RNF216: variants seen among roughly 807,000 people sequenced by gnomAD.
RNF216 encodes E3 ubiquitin-protein ligase RNF216.
Under a neutral mutation model 110.8 loss-of-function variants are expected in RNF216, and 72 were observed. That is an observed-to-expected ratio of 0.65 (90% confidence interval 0.54 to 0.79). The LOEUF is 0.79. Among genes scored for constraint, RNF216 ranks in the 30% least tolerant of loss-of-function variants. RNF216 has a pLI of 0.00. For missense variants in RNF216, 1,342 were observed against 1,141.2 expected, an observed-to-expected ratio of 1.18 and a Z score of -2.54; for synonymous variants, 495 against 407.5, an observed-to-expected ratio of 1.21 and a Z score of -2.59.
chr7:5,669,076 G>A (rs1416665482), intron 13 of RNF216, among the ~76,000 whole-genome samples: 1 of 152,174 alleles, frequency 6.6e-6, no homozygotes, highest in African/African-American at 2.4e-5. Flanking sequence ...CAGGCAGGTG[G>A]CTACAGATGG....
At chr7:5,725,587 A>C (rs1316055126) in intron 7 of RNF216, 149 bp from the exon 8 acceptor site, 5 of 616,780 alleles carry the variant, frequency 8.1e-6, no homozygotes, top group Non-Finnish European at 1.2e-5. Context: ...GCGGTGGCTG[A>C]CGCCTGTAAT....
At chr7:5,712,684 G>C (rs768331192) in intron 12 of RNF216, 31 bp downstream of exon 12, 50 of 1,612,266 alleles carry the variant, frequency 3.1e-5, no homozygotes, top group Non-Finnish European at 4.2e-5. Context: ...GGGAAGAGTT[G>C]GCAGATGGCA....
chr7:5,692,588 G>A (rs1001555735), intron 13 of RNF216, among the ~76,000 whole-genome samples: 1 of 152,180 alleles, frequency 6.6e-6, no homozygotes, highest in Non-Finnish European at 1.5e-5. Context: ...GAAGGCGAGC[G>A]AGGAGAAAGG....
At chr7:5,703,201 C>A (rs1482481205) in intron 13 of RNF216, among the ~76,000 whole-genome samples, 1 of 152,186 alleles carries the variant, frequency 6.6e-6, no homozygotes, top group African/African-American at 2.4e-5. Context: ...GCTTAAAAAT[C>A]TTTTTGTTAC....
At chr7:5,726,659 A>G (rs1488515704) in intron 7 of RNF216, among the ~76,000 whole-genome samples, 1 of 152,028 alleles carries the variant, frequency 6.6e-6, no homozygotes, top group Admixed American at 6.5e-5. Context: ...GGTGTTCAAG[A>G]CCAGCCTGGA....
chr7:5,659,019 A>G (rs985965507), intron 13 of RNF216, among the ~76,000 whole-genome samples: 1 of 152,300 alleles, frequency 6.6e-6, no homozygotes, highest in Admixed American at 6.5e-5. Context: ...GGAAGAGTCT[A>G]TGAAAGAGAT....
At position 5,622,255 on chromosome 7, in the gene RNF216, G is replaced by A. The variant is rs1431034747; in HGVS notation, c.*605C>T. On this transcript the variant is annotated 3_prime_UTR_variant, in exon 17 of 17. Coordinates refer to ENST00000389902, the MANE Select transcript of RNF216 (RefSeq NM_207111.4). ...CAACAGAACAAAACCCCCGCCGCGA[G>A]ATGGGTCTGCTGCTGCCTCATCTGA... 6.6e-6 allele frequency: 1 copy of A among 152,512 alleles called. No homozygotes were observed. The highest frequency in any genetic ancestry group is 1.5e-5 in the Non-Finnish European group (1 of 68,236). The allele number at this position is 152,512 out of a possible 1,614,324, so 9.4% of individuals were successfully genotyped here. A position where few individuals can be genotyped will look rare whatever the true frequency, so the allele number is the denominator to read the frequency against.
intron 6 of RNF216, among the ~76,000 whole-genome samples, chr7:5,730,486 A>T (rs1794023455): frequency 6.6e-6 from 1 of 152,264 alleles, no homozygotes; most frequent in African/African-American, 2.4e-5. Context: ...AAAGGAAGAT[A>T]AGAATTACAA....
chr7:5,774,302 T>G (rs6967635), intron 1 of RNF216, among the ~76,000 whole-genome samples: 59,936 of 152,012 alleles, frequency 0.39, 12,613 homozygotes, highest in Admixed American at 0.49. Context: ...GTAGGTAGAG[T>G]GGCATGTGCC....
Position 5,668,294 on chromosome 7 carries a change from G to C in RNF216, c.2062-15784C>G, listed in dbSNP as rs539208380. 1.0e-3 allele frequency among the ~76,000 whole-genome samples: 156 copies of C among 151,112 alleles called. 1 individual carries two copies. Among genetic ancestry groups the C allele is most frequent in the African/African-American group, 3.5e-3 (142 of 40,892 alleles). On this transcript the variant is annotated intron_variant, in intron 13 of 16. Transcript: ENST00000389902. ...GCTGGAGTGCAGTGGCGCAATCTTG[G>C]CTCACTGCAAGCTCCGCCTCCCAGG...
chr7:5,752,774 C>A, intron 3 of RNF216, 72 bp downstream of exon 3: 1 of 1,530,518 alleles, frequency 6.5e-7, no homozygotes, highest in Non-Finnish European at 8.9e-7. Flanking sequence ...ACAACAAGGC[C>A]CACAAGAGTG....
At chr7:5,725,641 G>A (rs566703393) in intron 7 of RNF216, among the ~76,000 whole-genome samples, 1 of 152,242 alleles carries the variant, frequency 6.6e-6, no homozygotes, top group South Asian at 2.1e-4. Flanking sequence ...CTTGAGGTCA[G>A]GAGTTCGACA....
chr7:5,699,094 G>A lies in RNF216; in HGVS notation c.2061+12667C>T, dbSNP rs191388580. 5.0e-4 allele frequency among the ~76,000 whole-genome samples: 76 copies of A among 152,142 alleles called. 1 individual carries two copies. In the East Asian group the frequency reaches 0.014, roughly 29 times the overall value. Reference sequence around the variant, plus strand: ...ATTTTAAACATATACAAAAGCAGAGGATGTAATGAACCCTATGCACCCATT... The same window carrying A: ...ATTTTAAACATATACAAAAGCAGAGAATGTAATGAACCCTATGCACCCATT... On this transcript the variant is annotated intron_variant, in intron 13 of 16. Coordinates refer to ENST00000389902, the MANE Select transcript of RNF216 (RefSeq NM_207111.4).
chr7:5,713,964 T>A (rs1792882178), intron 11 of RNF216, among the ~76,000 whole-genome samples: 1 of 152,222 alleles, frequency 6.6e-6, no homozygotes, highest in African/African-American at 2.4e-5. Context: ...TGCATTCTGC[T>A]TGACTCCAAA....
At chr7:5,689,592 A>G (rs1055162040) in intron 13 of RNF216, among the ~76,000 whole-genome samples, 7 of 152,152 alleles carry the variant, frequency 4.6e-5, no homozygotes, top group African/African-American at 1.4e-4. Context: ...AGCATAAGAA[A>G]TGTAGTTTTA....
intron 14 of RNF216, among the ~76,000 whole-genome samples, chr7:5,647,006 C>T (rs867727409): frequency 1.3e-5 from 2 of 152,082 alleles, no homozygotes; most frequent in Non-Finnish European, 2.9e-5. Context: ...TCTGTCTTGG[C>T]TTGCCCATGT....
chr7:5,769,563 C>G (rs1328799147), intron 1 of RNF216, among the ~76,000 whole-genome samples: 1 of 148,606 alleles, frequency 6.7e-6, no homozygotes, highest in Non-Finnish European at 1.5e-5. Flanking sequence ...TCTCTACCAA[C>G]AAACAAACAA....
chr7:5,693,371 C>G (rs1353037133), intron 13 of RNF216, among the ~76,000 whole-genome samples: 1 of 152,190 alleles, frequency 6.6e-6, no homozygotes, highest in East Asian at 1.9e-4. Context: ...TCTGCTGAAC[C>G]TCAGTATGGA....
chr7:5,663,337 T>C (rs1279922281), intron 13 of RNF216, among the ~76,000 whole-genome samples: 1 of 152,010 alleles, frequency 6.6e-6, no homozygotes, highest in Non-Finnish European at 1.5e-5. Context: ...TCCCAGCACT[T>C]TGGGAGGCCG....
Sources: allele counts gnomAD v4.1 joint callset (sites outside exome capture counted in the v4.1 genomes callset), GRCh38; gene constraint gnomAD v4.1.1; transcripts MANE v1.5; gene names NCBI Gene and HGNC (gene_info 2026-07-23, HGNC 2026-07-21).